Variants in PLXNA4 observed in about 807,000 individuals in gnomAD.
PLXNA4 encodes plexin-A4.
A neutral mutation model predicts 191.8 loss-of-function variants in PLXNA4; 44 were observed. The ratio of observed to expected loss-of-function variants is 0.23; its 90% CI spans 0.18 to 0.29. The LOEUF (loss-of-function observed/expected upper bound fraction) is 0.29, where lower values mean the gene tolerates loss of function less well. Among genes scored for constraint, PLXNA4 ranks in the 10% least tolerant of loss-of-function variants. The pLI, the probability that PLXNA4 is intolerant of heterozygous loss-of-function variation, is 1.00. For missense variants in PLXNA4, 1,800 were observed against 2,488.8 expected, an observed-to-expected ratio of 0.72 and a Z score of 5.89; for synonymous variants, 1,082 against 1,009.5, an observed-to-expected ratio of 1.07 and a Z score of -1.36.
At chr7:132,595,209 A>C (rs1255524912) in intron 2 of PLXNA4, among the ~76,000 whole-genome samples, 1 of 152,092 alleles carries the variant, frequency 6.6e-6, no homozygotes, top group Non-Finnish European at 1.5e-5. Context: ...AGCACCCAGC[A>C]GTGATGTCCA....
intron 1 of PLXNA4, among the ~76,000 whole-genome samples, chr7:132,520,576 T>C (rs1799135533): frequency 6.6e-6 from 1 of 152,184 alleles, no homozygotes; most frequent in South Asian, 2.1e-4. Flanking sequence ...GAAATGGAAA[T>C]ATTCCCTTCT....
At chr7:132,293,125 G>C (rs114421219) in intron 4 of PLXNA4, among the ~76,000 whole-genome samples, 1 of 152,300 alleles carries the variant, frequency 6.6e-6, no homozygotes, top group African/African-American at 2.4e-5. Context: ...CTTATGCCAA[G>C]AATGATGAGA....
chr7:132,574,686 C>G (rs1802143205), intron 1 of PLXNA4, among the ~76,000 whole-genome samples: 1 of 152,222 alleles, frequency 6.6e-6, no homozygotes, highest in Non-Finnish European at 1.5e-5. Context: ...CAAAGGGCAG[C>G]TCACACAGCA....
intron 2 of PLXNA4, among the ~76,000 whole-genome samples, chr7:132,633,946 C>A (rs1210998525): frequency 6.6e-6 from 1 of 152,054 alleles, no homozygotes; most frequent in Admixed American, 6.5e-5. Context: ...CACACACACA[C>A]GCACATGCAC....
At position 132,523,564 on chromosome 7, in the gene PLXNA4, A is replaced by G. The variant is rs147446060; in HGVS notation, c.-86-14785T>C. Among the ~76,000 whole-genome samples, 810 of 152,362 alleles carry G rather than the reference A, an allele frequency of 5.3e-3. 3 individuals carry two copies. The highest frequency in any genetic ancestry group is 0.044 in the Middle Eastern group (13 of 294). On this transcript the variant is annotated intron_variant, in intron 1 of 31. Transcript: ENST00000321063. ...AGAGACAGCAGATGCCGGAGGGTATATTCCAAATGGCAGGAAAAGCCATGA... is the reference window on the plus strand; with the variant it reads ...AGAGACAGCAGATGCCGGAGGGTATGTTCCAAATGGCAGGAAAAGCCATGA...
In PLXNA4 at chr7:132,326,613, G is replaced by T. The variant is rs574013502; in HGVS notation, c.1372-28391C>A. On this transcript the variant is annotated intron_variant, in intron 3 of 31. Coordinates refer to ENST00000321063, the MANE Select transcript of PLXNA4 (RefSeq NM_020911.2). The stretch of plus-strand genomic sequence containing the variant: ...ATGCTCTCTCGGAGAACCTCACAAG[G>T]CTGGCCCTCGCTTCCCGCGGCCTTG... 3.9e-5 allele frequency among the ~76,000 whole-genome samples: 6 copies of T among 152,248 alleles called. No individual in the cohort carries two copies. The East Asian group carries it at 9.7e-4, about 25-fold the overall frequency.
intron 3 of PLXNA4, among the ~76,000 whole-genome samples, chr7:132,370,340 T>C (rs892695444): frequency 6.6e-6 from 1 of 152,152 alleles, no homozygotes; most frequent in Non-Finnish European, 1.5e-5. Flanking sequence ...CATCTGGGGA[T>C]GGGATTACTG....
At chr7:132,186,449 G>T (rs1796880329) in intron 15 of PLXNA4, among the ~76,000 whole-genome samples, 2 of 152,150 alleles carry the variant, frequency 1.3e-5, no homozygotes, top group African/African-American at 4.8e-5. Context: ...TGCTATGGGG[G>T]CACCAGGGCT....
chr7:132,437,059 G>A (rs1380415058), intron 3 of PLXNA4, among the ~76,000 whole-genome samples: 1 of 152,146 alleles, frequency 6.6e-6, no homozygotes. Context: ...TGTTGACCTT[G>A]GCCCCAAAAC....
At chr7:132,256,079 G>A (rs1211492693) in intron 4 of PLXNA4, among the ~76,000 whole-genome samples, 3 of 152,202 alleles carry the variant, frequency 2.0e-5, no homozygotes, top group Non-Finnish European at 4.4e-5. Flanking sequence ...GCTGTGTGCC[G>A]GCATGTTGGG....
chr7:132,260,734 G>A (rs903657223), intron 4 of PLXNA4, among the ~76,000 whole-genome samples: 3 of 152,016 alleles, frequency 2.0e-5, no homozygotes, highest in African/African-American at 7.2e-5. Context: ...GGAGTGGAGA[G>A]GGATGAATGG....
intron 3 of PLXNA4, among the ~76,000 whole-genome samples, chr7:132,478,202 A>G (rs961481915): frequency 1.3e-5 from 2 of 152,228 alleles, no homozygotes; most frequent in African/African-American, 4.8e-5. Flanking sequence ...TGGATCTAAG[A>G]AAGACTCATT....
chr7:132,605,849 A>G (rs1263180733), intron 2 of PLXNA4, among the ~76,000 whole-genome samples: 2 of 152,148 alleles, frequency 1.3e-5, no homozygotes, highest in Non-Finnish European at 2.9e-5. Context: ...TCATGTGAAA[A>G]TAGAGGCAGA....
chr7:132,202,883 G>T, intron 11 of PLXNA4, 47 bp from the exon 12 acceptor site: 1 of 1,457,096 alleles, frequency 6.9e-7, no homozygotes, highest in Non-Finnish European at 9.1e-7. Flanking sequence ...GAATGGCAGT[G>T]GGGACAGAAG....
intron 4 of PLXNA4, among the ~76,000 whole-genome samples, chr7:132,266,929 T>C (rs1425958007): frequency 6.6e-6 from 1 of 152,228 alleles, no homozygotes; most frequent in Non-Finnish European, 1.5e-5. Flanking sequence ...TGTGAGCTAA[T>C]GGTGGGCATC....
At chr7:132,259,398 T>C (rs572781538) in intron 4 of PLXNA4, among the ~76,000 whole-genome samples, 3 of 116,784 alleles carry the variant, frequency 2.6e-5, no homozygotes, top group Non-Finnish European at 4.8e-5. Context: ...ATGGTGTCAC[T>C]GCACTCCAGC....
At chr7:132,235,737 C>T (rs927128845) in intron 5 of PLXNA4, among the ~76,000 whole-genome samples, 9 of 152,156 alleles carry the variant, frequency 5.9e-5, no homozygotes, top group African/African-American at 1.9e-4. Context: ...CTGAGACAGG[C>T]TTCTTTGCCT....
rs75305531 is a variant in PLXNA4, at chr7:132,489,613, C to T, written c.1189-139G>A. Reference sequence around the variant, plus strand: ...CAATCCCTCTTTTTTACATGAAAAACGTCACTCCAGAGAAACTAGGTGACC... The same window carrying T: ...CAATCCCTCTTTTTTACATGAAAAATGTCACTCCAGAGAAACTAGGTGACC... On this transcript the variant is annotated intron_variant, in intron 2 of 31. Coordinates refer to ENST00000321063, the MANE Select transcript of PLXNA4 (RefSeq NM_020911.2). 2.5e-4 allele frequency: 211 copies of T among 831,782 alleles called. 1 individual carries two copies. In the East Asian group the frequency reaches 3.7e-3, roughly 14 times the overall value. 51.5% of individuals were successfully genotyped at this position (831,782 alleles called of 1,614,324 possible).
Position 132,140,726 on chromosome 7 carries a change from G to T in PLXNA4, c.5311C>A (p.Leu1771Ile). Residue 1771 changes from leucine (L) to isoleucine (I), a missense_variant, in exon 30 of 32, where the codon CTC becomes ATC. Coordinates refer to ENST00000321063, the MANE Select transcript of PLXNA4 (RefSeq NM_020911.2). ...IHKNSITDACLSVVAQTFMDS... is the reference protein window; with the variant it reads ...IHKNSITDACISVVAQTFMDS... ...ATGAAGGTCTGAGCCACCACAGAGA[G>T]GCAGGCGTCTGTGATGCTGTTCTTA... 1 of 1,614,126 alleles carries T rather than the reference G, an allele frequency of 6.2e-7. No homozygotes were observed. The highest frequency in any genetic ancestry group is 8.5e-7 in the Non-Finnish European group (1 of 1,180,026).
Sources: gnomAD v4.1 joint callset for allele counts (sites outside exome capture counted in the v4.1 genomes callset) on GRCh38, gnomAD v4.1.1 for gene constraint, MANE v1.5 for transcripts, NCBI Gene and HGNC (gene_info 2026-07-23, HGNC 2026-07-21) for gene names.